The following MARCHF7 variants were observed in gnomAD, a reference collection of about 807,000 sequenced individuals.
MARCHF7 encodes E3 ubiquitin-protein ligase MARCHF7.
Under a neutral mutation model 76.5 loss-of-function variants are expected in MARCHF7, and 20 were observed. That is an observed-to-expected ratio of 0.26 (90% CI 0.18 to 0.38). The LOEUF is 0.38. Among genes scored for constraint, MARCHF7 ranks in the 10% least tolerant of loss-of-function variants. The pLI is 1.00. For synonymous variants in MARCHF7, 295 were observed against 293.0 expected, an observed-to-expected ratio of 1.01 and a Z score of -0.07; for missense variants, 797 against 812.9, an observed-to-expected ratio of 0.98 and a Z score of 0.24.
intron 10 of MARCHF7, among the ~76,000 whole-genome samples, chr2:159,764,234 G>GTGTGT (rs1707460085): frequency 6.8e-6 from 1 of 146,998 alleles, no homozygotes; most frequent in African/African-American, 2.6e-5. Context: ...GTGTGTGTGT[G>GTGTGT]TGTGTGTGTG....
rs1250012265 is a variant in MARCHF7 at position 159,769,847 on chromosome 2, TC to T, written c.*2507del. ...AAGAGCAGCACTGCCCAATAAAACT[TC>T]CTATAATGAAAATGTTCTATAATGT... On this transcript the variant is annotated 3_prime_UTR_variant, in exon 12 of 12. Transcript: ENST00000409175. 2.6e-5 allele frequency: 4 copies of T among 152,168 alleles called. No homozygotes were observed. Among genetic ancestry groups the T allele is most frequent in the Non-Finnish European group, 5.9e-5 (4 of 68,012 alleles). 9.4% of individuals were successfully genotyped at this position (152,168 alleles called of 1,614,324 possible). A position where few individuals can be genotyped will look rare whatever the true frequency, so the allele number is the denominator to read the frequency against.
intron 3 of MARCHF7, among the ~76,000 whole-genome samples, chr2:159,718,134 G>A (rs755674230): frequency 2.0e-5 from 3 of 152,104 alleles, no homozygotes; most frequent in Non-Finnish European, 4.4e-5. Flanking sequence ...TCACCATTTT[G>A]TAGGTGAGAA....
Position 159,721,023 on chromosome 2 carries a change from AT to A in MARCHF7, c.-15+5272del, listed in dbSNP as rs796198892. 7.5e-3 allele frequency among the ~76,000 whole-genome samples: 1,036 copies of A among 138,200 alleles called. 9 individuals are homozygous for A. The highest frequency in any genetic ancestry group is 0.02 in the Middle Eastern group (5 of 254). 90.7% of individuals were successfully genotyped at this position (138,200 alleles called of 152,430 possible). A position where few individuals can be genotyped will look rare whatever the true frequency, so the allele number is the denominator to read the frequency against. On this transcript the variant is annotated intron_variant, in intron 3 of 11. Coordinates refer to ENST00000409175, the MANE Select transcript of MARCHF7 (RefSeq NM_001282805.2). Reference sequence around the variant, plus strand: ...CAGGCGCGAGCCACCACACACGGCTATTTTTTTTTTTTTTTCTGTATTTTTA... The same window carrying A: ...CAGGCGCGAGCCACCACACACGGCTATTTTTTTTTTTTTTCTGTATTTTTA...
intron 4 of MARCHF7, chr2:159,734,077 G>A (rs1337412498): frequency 2.7e-5 from 36 of 1,344,412 alleles, no homozygotes; most frequent in Non-Finnish European, 3.4e-5. Context: ...TATGTCTTTA[G>A]TAACAGTAAG....
Position 159,734,423 on chromosome 2 carries a change from A to G in MARCHF7, c.153+5248A>G, listed in dbSNP as rs890601987. On this transcript the variant is annotated intron_variant, in intron 4 of 11. Transcript: ENST00000409175. ...GGTCATTAATTTTTAAAACTACCTT[A>G]TGCAAGTGTAGTTTTCAAGGAAATA... 5.3e-5 allele frequency among the ~76,000 whole-genome samples: 8 copies of G among 151,932 alleles called. No homozygotes were observed. In the South Asian group the frequency reaches 1.2e-3, roughly 24 times the overall value.
intron 4 of MARCHF7, among the ~76,000 whole-genome samples, chr2:159,735,813 G>A (rs1292922516): frequency 6.6e-6 from 1 of 152,136 alleles, no homozygotes; most frequent in Non-Finnish European, 1.5e-5. Flanking sequence ...GTGTGGACTT[G>A]TGTTTTCACT....
chr2:159,727,875 C>G (rs1702353584), intron 3 of MARCHF7, among the ~76,000 whole-genome samples: 1 of 152,186 alleles, frequency 6.6e-6, no homozygotes, highest in African/African-American at 2.4e-5. Flanking sequence ...GTAATCATTA[C>G]TTTCGTCGTG....
At chr2:159,763,123 AATAAAG>A (rs1707314776) in intron 10 of MARCHF7, 130 bp downstream of exon 10, 1 of 474,754 alleles carries the variant, frequency 2.1e-6, no homozygotes, top group East Asian at 3.5e-5. Context: ...GTTTCTTAAA[AATAAAG>A]ATACCGTAGA....
intron 10 of MARCHF7, among the ~76,000 whole-genome samples, chr2:159,764,286 G>T (rs1707496957): frequency 6.9e-6 from 1 of 144,326 alleles, no homozygotes; most frequent in South Asian, 2.3e-4. Context: ...AATTTATTTG[G>T]GTCCAAATAC....
intron 8 of MARCHF7, among the ~76,000 whole-genome samples, chr2:159,756,823 A>G (rs1216825358): frequency 7.1e-6 from 1 of 140,356 alleles, no homozygotes; most frequent in Admixed American, 6.8e-5. Flanking sequence ...TGAATGTCAA[A>G]AGAGTTATTG....
At chr2:159,728,910 A>G (rs1702466943) in intron 3 of MARCHF7, 99 bp from the exon 4 acceptor site, 2 of 630,004 alleles carry the variant, frequency 3.2e-6, no homozygotes, top group Non-Finnish European at 5.0e-6. Context: ...GTTAATTTGT[A>G]TGGTTAATTT....
At chr2:159,721,116 C>G (rs141028866) in intron 3 of MARCHF7, among the ~76,000 whole-genome samples, 37 of 151,738 alleles carry the variant, frequency 2.4e-4, no homozygotes, top group Non-Finnish European at 8.8e-5. Context: ...TCACCCTCCT[C>G]GGCTTTCCAA....
intron 3 of MARCHF7, among the ~76,000 whole-genome samples, chr2:159,720,556 A>G (rs76235798): frequency 1.3e-5 from 2 of 150,404 alleles, no homozygotes; most frequent in East Asian, 2.0e-4. Context: ...TTGCTACCCT[A>G]TTTTTTTTCT....
Position 159,752,391 on chromosome 2 carries a change from T to G in MARCHF7, c.1614-11T>G, listed in dbSNP as rs1574393828. The G allele has an allele frequency of 6.4e-7, 1 of 1,565,664 alleles. No individual in the cohort carries two copies. Among genetic ancestry groups the G allele is most frequent in the Non-Finnish European group, 8.6e-7 (1 of 1,157,396 alleles). On this transcript the variant is annotated splice_polypyrimidine_tract_variant and intron_variant, in intron 7 of 11. Transcript: ENST00000409175. ...TTATGATAGCTTTGGGAAATGTGCCTTCTTTTCCAGCCTCCTTTTAGAGGA... is the reference window on the plus strand; with the variant it reads ...TTATGATAGCTTTGGGAAATGTGCCGTCTTTTCCAGCCTCCTTTTAGAGGA...
chr2:159,734,988 A>G (rs1202667521), intron 4 of MARCHF7, among the ~76,000 whole-genome samples: 2 of 152,094 alleles, frequency 1.3e-5, no homozygotes, highest in Admixed American at 6.6e-5. Flanking sequence ...TCTCAAAAAG[A>G]AAAAGATTTA....
At position 159,760,247 on chromosome 2, in the gene MARCHF7, A is replaced by G. The variant is rs866944846; in HGVS notation, c.1893+912A>G. 1.4e-4 allele frequency among the ~76,000 whole-genome samples: 21 copies of G among 152,348 alleles called. 1 individual carries two copies. Among genetic ancestry groups the G allele is most frequent in the Admixed American group, 8.5e-4 (13 of 15,312 alleles). On this transcript the variant is annotated intron_variant, in intron 9 of 11. Transcript: ENST00000409175. ...GAACCACTTTTTTTTAAATGTGGGA[A>G]TAATAGATACCCTTTGAAAATCTGA...
At chr2:159,726,366 C>A (rs1372978502) in intron 3 of MARCHF7, among the ~76,000 whole-genome samples, 1 of 152,076 alleles carries the variant, frequency 6.6e-6, no homozygotes, top group Non-Finnish European at 1.5e-5. Context: ...GGGTTCACGC[C>A]ATTCTCCTGC....
At chr2:159,718,146 AT>A (rs1246944754) in intron 3 of MARCHF7, among the ~76,000 whole-genome samples, 2 of 152,164 alleles carry the variant, frequency 1.3e-5, no homozygotes, top group Non-Finnish European at 2.9e-5. Flanking sequence ...AGGTGAGAAA[AT>A]TAAGCATTAG....
At chr2:159,758,790 G>GT (rs1332336074) in intron 8 of MARCHF7, among the ~76,000 whole-genome samples, 1 of 152,214 alleles carries the variant, frequency 6.6e-6, no homozygotes, top group East Asian at 1.9e-4. Context: ...TTAGGTATGT[G>GT]AGGTATGTGT....
Sources: gnomAD v4.1 joint callset for allele counts (sites outside exome capture counted in the v4.1 genomes callset) on GRCh38, gnomAD v4.1.1 for gene constraint, MANE v1.5 for transcripts, NCBI Gene and HGNC (gene_info 2026-07-23, HGNC 2026-07-21) for gene names.